CLEC16A: variants seen among roughly 807,000 people sequenced by gnomAD.
CLEC16A encodes the protein protein CLEC16A.
Under a neutral mutation model 109.5 loss-of-function variants are expected in CLEC16A, and 51 were observed. The ratio of observed to expected loss-of-function variants is 0.47; its 90% CI spans 0.37 to 0.59. CLEC16A has a LOEUF of 0.59. CLEC16A is among the 20% of genes least tolerant of loss of function. The pLI is 0.00. For missense variants in CLEC16A, 1,339 were observed against 1,394.0 expected, an observed-to-expected ratio of 0.96 and a Z score of 0.63; for synonymous variants, 673 against 564.2, an observed-to-expected ratio of 1.19 and a Z score of -2.73.
At chr16:11,093,619 A>G (rs2050439558) in intron 19 of CLEC16A, among the ~76,000 whole-genome samples, 1 of 152,178 alleles carries the variant, frequency 6.6e-6, no homozygotes, top group Non-Finnish European at 1.5e-5. Flanking sequence ...GTATTTTTGA[A>G]GAAGTAAATA....
At chr16:11,036,447 G>T (rs1399518627) in intron 13 of CLEC16A, among the ~76,000 whole-genome samples, 1 of 152,202 alleles carries the variant, frequency 6.6e-6, no homozygotes, top group Non-Finnish European at 1.5e-5. Flanking sequence ...CCCCCTGAGA[G>T]GGGCCCCCAG....
rs1332004175 is a variant in CLEC16A, at chr16:11,042,266, G to A, written c.1673G>A (p.Arg558Gln). Residue 558 changes from arginine to glutamine, a missense_variant, in exon 15 of 24, where the codon CGG becomes CAG. By Grantham distance (43) the Arg-to-Gln change is conservative. Coordinates refer to ENST00000409790, the MANE Select transcript of CLEC16A (RefSeq NM_015226.3). ...NNAAQPDGKI[R>Q]LATLELSCLL... ...GTGTGCTCTGCAGATGGGAAGATCC[G>A]GCTGGCGACGCTGGAGCTGAGCTGC... 3 of 1,580,448 alleles carry A rather than the reference G, an allele frequency of 1.9e-6. No individual in the cohort carries two copies. Among genetic ancestry groups the A allele is most frequent in the Admixed American group, 1.8e-5 (1 of 55,188 alleles).
intron 19 of CLEC16A, among the ~76,000 whole-genome samples, chr16:11,116,696 A>T (rs1185643245): frequency 1.3e-5 from 2 of 152,158 alleles, no homozygotes; most frequent in African/African-American, 2.4e-5. Flanking sequence ...AGAGGGGGGA[A>T]ATCCTTGGAG....
At chr16:11,136,959 C>T (rs1260344050) in intron 22 of CLEC16A, among the ~76,000 whole-genome samples, 1 of 152,218 alleles carries the variant, frequency 6.6e-6, no homozygotes, top group East Asian at 1.9e-4. Context: ...CTGGTTTCCA[C>T]TCCGTGAACC....
chr16:11,092,189 G>A (rs1324051357), intron 19 of CLEC16A, among the ~76,000 whole-genome samples: 1 of 151,956 alleles, frequency 6.6e-6, no homozygotes, highest in East Asian at 1.9e-4. Flanking sequence ...CTACAAAAAC[G>A]AAAAACTAGC....
At chr16:11,120,309 A>G (rs1321853003) in intron 19 of CLEC16A, among the ~76,000 whole-genome samples, 1 of 152,240 alleles carries the variant, frequency 6.6e-6, no homozygotes, top group African/African-American at 2.4e-5. Flanking sequence ...AGCACCTAAC[A>G]TGCAGTAAAC....
At chr16:10,965,866 G>A (rs1017974252) in intron 3 of CLEC16A, among the ~76,000 whole-genome samples, 7 of 152,228 alleles carry the variant, frequency 4.6e-5, no homozygotes, top group African/African-American at 1.7e-4. Flanking sequence ...CCCTGCTGGG[G>A]AGTGGAGGGA....
At chr16:10,972,832 T>A in intron 6 of CLEC16A, 106 bp from the exon 7 acceptor site, 1 of 1,246,530 alleles carries the variant, frequency 8.0e-7, no homozygotes, top group Non-Finnish European at 1.1e-6. Flanking sequence ...GCAGAGGGCT[T>A]TTTCATTGTG....
In CLEC16A at chr16:11,095,029, T is replaced by C. The variant is rs1343478165; in HGVS notation, c.2117-25586T>C. ...CTTAGCAGGTGTGATCAAGCAGAACTAGAATGAAAGTCACATTTTCCATGA... is the reference window on the plus strand; with the variant it reads ...CTTAGCAGGTGTGATCAAGCAGAACCAGAATGAAAGTCACATTTTCCATGA... On this transcript the variant is annotated intron_variant, in intron 19 of 23. Coordinates refer to ENST00000409790, the MANE Select transcript of CLEC16A (RefSeq NM_015226.3). Among the ~76,000 whole-genome samples, 3 of 152,206 alleles carry C rather than the reference T, an allele frequency of 2.0e-5. No individual in the cohort carries two copies. In the East Asian group the frequency reaches 5.8e-4, roughly 29 times the overall value.
intron 11 of CLEC16A, among the ~76,000 whole-genome samples, chr16:11,008,955 C>T (rs1288249017): frequency 1.3e-5 from 2 of 151,962 alleles, no homozygotes; most frequent in African/African-American, 2.4e-5. Flanking sequence ...GCCGAGATCG[C>T]GCCACTGCAC....
rs984574100 is a variant in CLEC16A at position 11,112,495 on chromosome 16, C to CAAAAAAA, written c.2117-8106_2117-8100dup. ...ACAACATAGCAAGATCCTATCTCTACAAAAAAAAAAAAAAAAAAAAGATTA... is the reference window on the plus strand; with the variant it reads ...ACAACATAGCAAGATCCTATCTCTACAAAAAAAAAAAAAAAAAAAAAAAAAAAGATTA... On this transcript the variant is annotated intron_variant, in intron 19 of 23. Coordinates refer to ENST00000409790, the MANE Select transcript of CLEC16A (RefSeq NM_015226.3). Among the ~76,000 whole-genome samples, 85 of 85,476 alleles carry CAAAAAAA rather than the reference C, an allele frequency of 9.9e-4. 1 individual carries two copies. Among genetic ancestry groups the CAAAAAAA allele is most frequent in the African/African-American group, 2.8e-3 (65 of 23,610 alleles). The allele number at this position is 85,476 out of a possible 152,430, so 56.1% of individuals were successfully genotyped here.
At chr16:11,067,260 T>A (rs2048822914) in intron 19 of CLEC16A, among the ~76,000 whole-genome samples, 1 of 150,832 alleles carries the variant, frequency 6.6e-6, no homozygotes, top group Non-Finnish European at 1.5e-5. Flanking sequence ...AGTGACTCTG[T>A]CTTTCCAAGC....
At chr16:11,161,751 C>T (rs1014110377) in intron 22 of CLEC16A, among the ~76,000 whole-genome samples, 6 of 152,232 alleles carry the variant, frequency 3.9e-5, no homozygotes, top group African/African-American at 1.4e-4. Flanking sequence ...AATGGGGCCC[C>T]ATAAAGCCAG....
chr16:11,033,219 G>A (rs2046843454), intron 13 of CLEC16A, among the ~76,000 whole-genome samples: 1 of 152,100 alleles, frequency 6.6e-6, no homozygotes, highest in Admixed American at 6.5e-5. Flanking sequence ...GAGCAATGGT[G>A]GGGGTGCATT....
At chr16:11,082,406 G>A (rs865860037) in intron 19 of CLEC16A, among the ~76,000 whole-genome samples, 5 of 152,342 alleles carry the variant, frequency 3.3e-5, no homozygotes, top group Middle Eastern at 6.8e-3. Context: ...CTGCTGTGAG[G>A]AAAGTGTTTC....
At chr16:11,166,934 AT>A (rs148186522) in intron 23 of CLEC16A, among the ~76,000 whole-genome samples, 3 of 150,400 alleles carry the variant, frequency 2.0e-5, no homozygotes, top group Non-Finnish European at 4.4e-5. Context: ...GTTCCTGCTG[AT>A]TTTTTTTTTC....
chr16:11,160,500 C>T (rs78861942), intron 22 of CLEC16A, among the ~76,000 whole-genome samples: 3 of 152,054 alleles, frequency 2.0e-5, no homozygotes, highest in Non-Finnish European at 2.9e-5. Context: ...CACCTCCCCA[C>T]CTCACTTGCC....
At chr16:11,117,824 G>A (rs762822455) in intron 19 of CLEC16A, among the ~76,000 whole-genome samples, 13 of 152,142 alleles carry the variant, frequency 8.5e-5, no homozygotes, top group Non-Finnish European at 1.8e-4. Flanking sequence ...GGTTGTTTCC[G>A]GACTGAGCTC....
chr16:11,061,141 T>C (rs2286972), intron 19 of CLEC16A, 119 bp downstream of exon 19: 2 of 1,214,780 alleles, frequency 1.6e-6, no homozygotes, highest in African/African-American at 3.1e-5. Flanking sequence ...TGTACTATTA[T>C]TGAGCTGTGA....
Sources: gnomAD v4.1 joint callset for allele counts (sites outside exome capture counted in the v4.1 genomes callset) on GRCh38, gnomAD v4.1.1 for gene constraint, MANE v1.5 for transcripts, NCBI Gene and HGNC (gene_info 2026-07-23, HGNC 2026-07-21) for gene names.